The following GABRG3 variants were observed in gnomAD, a reference collection of about 807,000 sequenced individuals.
The protein encoded by GABRG3 is gamma-aminobutyric acid receptor subunit gamma-3.
GABRG3 carries 25 observed loss-of-function variants against 48.8 expected under a neutral mutation model. The observed-to-expected ratio is 0.51, with a 90% confidence interval of 0.37 to 0.72. GABRG3 has a LOEUF of 0.72. GABRG3 is among the 30% of genes least tolerant of loss of function. GABRG3 has a pLI of 0.00. For synonymous variants in GABRG3, 227 were observed against 217.6 expected, an observed-to-expected ratio of 1.04 and a Z score of -0.38; for missense variants, 394 against 577.9, an observed-to-expected ratio of 0.68 and a Z score of 3.26.
intron 3 of GABRG3, among the ~76,000 whole-genome samples, chr15:27,193,108 A>T (rs1197691565): frequency 4.6e-5 from 7 of 152,082 alleles, no homozygotes; most frequent in African/African-American, 7.2e-5. Context: ...CGGCCGTGTG[A>T]GGTGTCAGTC....
rs1888966501 is a variant in GABRG3 at position 27,447,060 on chromosome 15, G to A, written c.575-33590G>A. 6.6e-6 allele frequency among the ~76,000 whole-genome samples: 1 copy of A among 152,106 alleles called. No homozygotes were observed. Among genetic ancestry groups the A allele is most frequent in the Non-Finnish European group, 1.5e-5 (1 of 68,012 alleles). ...GATGAACCCCACACAAAGCCTACAT[G>A]GGAAGACACATCTGCAAAATATTAA... On this transcript the variant is annotated intron_variant, in intron 5 of 9. Coordinates refer to ENST00000615808, the MANE Select transcript of GABRG3 (RefSeq NM_033223.5). The surrounding 1 kb of genome is among the most constrained non-coding windows in gnomAD (Gnocchi z 4.0).
intron 7 of GABRG3, among the ~76,000 whole-genome samples, chr15:27,525,745 C>T (rs1271237899): frequency 6.6e-6 from 1 of 151,976 alleles, no homozygotes; most frequent in Non-Finnish European, 1.5e-5. Flanking sequence ...AGGATAATGG[C>T]TTCCAGCTTC....
In GABRG3 at chr15:27,402,250, A is replaced by C. The variant is rs1440519075; in HGVS notation, c.574+73362A>C. On this transcript the variant is annotated intron_variant, in intron 5 of 9. Transcript: ENST00000615808. The stretch of plus-strand genomic sequence containing the variant: ...AGAGTCTGGTAATAGTGGACTATAT[A>C]ATTCAGATAAACCTCTCTGAAGACA... Among the ~76,000 whole-genome samples the C allele has an allele frequency of 2.0e-5, 3 of 152,256 alleles. No homozygotes were observed. In the East Asian group the frequency reaches 5.8e-4, roughly 29 times the overall value.
At chr15:27,123,821 C>A (rs1216101693) in intron 3 of GABRG3, among the ~76,000 whole-genome samples, 1 of 152,016 alleles carries the variant, frequency 6.6e-6, no homozygotes, top group East Asian at 1.9e-4. Context: ...AGGACTCGAA[C>A]CAGGGAGGCA....
chr15:27,224,176 G>A (rs146709113), intron 3 of GABRG3, among the ~76,000 whole-genome samples: 200 of 152,346 alleles, frequency 1.3e-3, no homozygotes, highest in African/African-American at 4.7e-3. Flanking sequence ...GAGGCCAGGG[G>A]TTTGGGGGTG....
At chr15:27,255,895 G>T (rs1048824541) in intron 3 of GABRG3, among the ~76,000 whole-genome samples, 6 of 150,190 alleles carry the variant, frequency 4.0e-5, no homozygotes, top group Non-Finnish European at 7.3e-5. Flanking sequence ...TGTGTTTAGT[G>T]ACTTTTTACC....
At chr15:27,256,370 G>A (rs1040847415) in intron 3 of GABRG3, among the ~76,000 whole-genome samples, 3 of 151,772 alleles carry the variant, frequency 2.0e-5, no homozygotes, top group African/African-American at 7.3e-5. Flanking sequence ...GAACCCGGGA[G>A]GCAGTGCTTG....
chr15:27,075,038 T>C (rs779076297), intron 3 of GABRG3, among the ~76,000 whole-genome samples: 1 of 152,208 alleles, frequency 6.6e-6, no homozygotes, highest in Non-Finnish European at 1.5e-5. Flanking sequence ...TTATTGATAC[T>C]AATATATGAA....
chr15:27,082,561 C>T (rs1595512390), intron 3 of GABRG3, among the ~76,000 whole-genome samples: 2 of 152,260 alleles, frequency 1.3e-5, no homozygotes, highest in Middle Eastern at 6.8e-3. Flanking sequence ...GCCACTTGGG[C>T]AAGGGTTGGG....
chr15:27,452,859 A>C (rs1370650923), intron 5 of GABRG3, among the ~76,000 whole-genome samples: 1 of 152,248 alleles, frequency 6.6e-6, no homozygotes, highest in Admixed American at 6.5e-5. Flanking sequence ...TAATTGCAGC[A>C]GCATTATTCA....
chr15:27,171,514 A>ATG (rs1887567939), intron 3 of GABRG3, among the ~76,000 whole-genome samples: 2 of 148,190 alleles, frequency 1.3e-5, no homozygotes, highest in Non-Finnish European at 1.5e-5. Flanking sequence ...TAACATATAT[A>ATG]TATATATATA....
intron 2 of GABRG3, among the ~76,000 whole-genome samples, chr15:27,012,721 A>G (rs1165941517): frequency 6.6e-6 from 1 of 152,174 alleles, no homozygotes; most frequent in Non-Finnish European, 1.5e-5. Flanking sequence ...TCATAACTAT[A>G]AAAAACAGCT....
At chr15:27,154,119 A>G (rs1279094753) in intron 3 of GABRG3, among the ~76,000 whole-genome samples, 1 of 152,196 alleles carries the variant, frequency 6.6e-6, no homozygotes, top group Non-Finnish European at 1.5e-5. Flanking sequence ...TGGCTTCCTT[A>G]AGAATCCCTC....
intron 3 of GABRG3, among the ~76,000 whole-genome samples, chr15:27,251,699 T>TA (rs1028969639): frequency 6.6e-5 from 10 of 152,146 alleles, no homozygotes; most frequent in Admixed American, 2.6e-4. Context: ...TATTTTCTTC[T>TA]AAAAAAAGTA....
chr15:27,192,495 C>G (rs1446651477), intron 3 of GABRG3, among the ~76,000 whole-genome samples: 1 of 152,122 alleles, frequency 6.6e-6, no homozygotes, highest in Non-Finnish European at 1.5e-5. Context: ...TCGCTGATAC[C>G]CTTTCTTCCA....
chr15:27,129,703 T>A (rs550921126), intron 3 of GABRG3, among the ~76,000 whole-genome samples: 1 of 148,304 alleles, frequency 6.7e-6, no homozygotes, highest in East Asian at 1.9e-4. Context: ...CACTTGTTAG[T>A]TTCTGTTTTG....
At chr15:27,403,095 A>G (rs1887521758) in intron 5 of GABRG3, among the ~76,000 whole-genome samples, 1 of 152,228 alleles carries the variant, frequency 6.6e-6, no homozygotes, top group African/African-American at 2.4e-5. Context: ...ACAATAAACA[A>G]TAAAGAAACA....
intron 3 of GABRG3, among the ~76,000 whole-genome samples, chr15:27,270,047 A>C (rs1343027173): frequency 6.6e-6 from 1 of 152,212 alleles, no homozygotes. Flanking sequence ...CCAAAATTCA[A>C]AGAAATTCAA....
chr15:27,303,783 T>G (rs1297562355), intron 3 of GABRG3, among the ~76,000 whole-genome samples: 1 of 151,396 alleles, frequency 6.6e-6, no homozygotes, highest in Non-Finnish European at 1.5e-5. Context: ...CATCTATGTA[T>G]ATACATATAT....
Sources: allele counts gnomAD v4.1 joint callset (sites outside exome capture counted in the v4.1 genomes callset), GRCh38; gene constraint gnomAD v4.1.1; non-coding constraint Gnocchi (gnomAD v3.1); transcripts MANE v1.5; gene names NCBI Gene and HGNC (gene_info 2026-07-23, HGNC 2026-07-21).